The following NPY2R variants were observed in gnomAD, a reference collection of about 807,000 sequenced individuals.
NPY2R encodes the protein neuropeptide Y receptor type 2.
Under a neutral mutation model 22.3 loss-of-function variants are expected in NPY2R, and 17 were observed. That is an observed-to-expected ratio of 0.76 (90% CI 0.52 to 1.14). NPY2R has a LOEUF of 1.14. Among genes scored for constraint, NPY2R ranks in the 50% most tolerant of loss-of-function variants. NPY2R has a pLI of 0.00. For missense variants in NPY2R, 424 were observed against 467.9 expected, an observed-to-expected ratio of 0.91 and a Z score of 0.87; for synonymous variants, 209 against 183.4, an observed-to-expected ratio of 1.14 and a Z score of -1.13.
chr4:155,189,572 A>G, the NPY2R span, among the ~76,000 whole-genome samples: 1 of 152,024 alleles, frequency 6.6e-6, no homozygotes, highest in Non-Finnish European at 1.5e-5. Flanking sequence ...ACTCAAAGTT[A>G]TGAATCTTTT....
intron 1 of NPY2R, among the ~76,000 whole-genome samples, chr4:155,213,384 A>G (rs989084445): frequency 5.9e-5 from 9 of 152,226 alleles, no homozygotes; most frequent in African/African-American, 1.9e-4. Context: ...GAGATAATTC[A>G]TAGTCCCAAG....
At chr4:155,204,722 A>T (rs745936593), upstream of NPY2R, among the ~76,000 whole-genome samples, 4 of 152,086 alleles carry the variant, frequency 2.6e-5, no homozygotes, top group Non-Finnish European at 5.9e-5. Flanking sequence ...TTAAAAGTTG[A>T]GAAGGCAGGC....
the NPY2R span, among the ~76,000 whole-genome samples, chr4:155,200,877 G>C: frequency 6.6e-6 from 1 of 152,010 alleles, no homozygotes; most frequent in Non-Finnish European, 1.5e-5. Context: ...AGGGGAGGGA[G>C]AGCATTAAGA....
At position 155,214,764 on chromosome 4, in the gene NPY2R, G is replaced by A; in HGVS notation, c.825G>A (p.Val275=). The change falls in exon 2 of 2, where the codon GTG becomes GTA. Residue 275 remains valine, a synonymous_variant. Coordinates refer to ENST00000329476, the MANE Select transcript of NPY2R (RefSeq NM_000910.4). ...KTTKMLVCVV[V]VFAVSWLPLH... ...CCAAAATGCTGGTGTGTGTGGTGGT[G>A]GTGTTTGCGGTCAGCTGGCTGCCTC... 6.2e-7 allele frequency: 1 copy of A among 1,614,080 alleles called. No homozygotes were observed. Among genetic ancestry groups the A allele is most frequent in the Non-Finnish European group, 8.5e-7 (1 of 1,179,930 alleles).
At chr4:155,173,998 G>A in the NPY2R span, among the ~76,000 whole-genome samples, 61 of 151,898 alleles carry the variant, frequency 4.0e-4, 1 homozygote, top group Admixed American at 3.7e-3. Context: ...AACTGTTTAG[G>A]TCATTTTGGG....
At chr4:155,201,052 A>G in the NPY2R span, among the ~76,000 whole-genome samples, 11 of 151,700 alleles carry the variant, frequency 7.3e-5, no homozygotes, top group Non-Finnish European at 8.8e-5. Flanking sequence ...TAAAACTACA[A>G]ATGCAAACAA....
chr4:155,174,807 A>G, the NPY2R span, among the ~76,000 whole-genome samples: 1 of 152,012 alleles, frequency 6.6e-6, no homozygotes, highest in African/African-American at 2.4e-5. Context: ...ATTTTCTGAT[A>G]TTCAGGCATT....
chr4:155,209,099 C>T (rs941044340), intron 1 of NPY2R, 30 bp downstream of exon 1: 3 of 152,234 alleles, frequency 2.0e-5, no homozygotes, highest in Non-Finnish European at 1.5e-5. Context: ...CTGATCACCT[C>T]CTGGGAACAA....
chr4:155,179,827 C>T, the NPY2R span, among the ~76,000 whole-genome samples: 1 of 151,662 alleles, frequency 6.6e-6, no homozygotes, highest in Non-Finnish European at 1.5e-5. Flanking sequence ...ATCTGGTCTC[C>T]ATCTCCTCAA....
chr4:155,213,973 C>A lies in NPY2R; in HGVS notation c.34C>A (p.Gln12Lys). 1 of 1,614,048 alleles carries A rather than the reference C, an allele frequency of 6.2e-7. No homozygotes were observed. Among genetic ancestry groups the A allele is most frequent in the Non-Finnish European group, 8.5e-7 (1 of 1,180,010 alleles). ...GPIGAEADEN[Q>K]TVEEMKVEQY... ...AATAGGTGCAGAGGCTGATGAGAAC[C>A]AGACAGTGGAAGAAATGAAGGTGGA... The change falls in exon 2 of 2, where the codon CAG becomes AAG. Residue 12 changes from glutamine (Q) to lysine (K), a missense_variant. Physicochemically the swap from Gln to Lys is moderately conservative, Grantham distance 53. Coordinates refer to ENST00000329476, the MANE Select transcript of NPY2R (RefSeq NM_000910.4).
At chr4:155,183,495 G>A in the NPY2R span, among the ~76,000 whole-genome samples, 1 of 152,168 alleles carries the variant, frequency 6.6e-6, no homozygotes, top group East Asian at 1.9e-4. Context: ...ACTTCAACTG[G>A]AACAAATGGT....
chr4:155,214,460 G>T lies in NPY2R; in HGVS notation c.521G>T (p.Gly174Val), dbSNP rs1368361543. 1 of 1,614,054 alleles carries T rather than the reference G, an allele frequency of 6.2e-7. No homozygotes were observed. The highest frequency in any genetic ancestry group is 8.5e-7 in the Non-Finnish European group (1 of 1,180,016). Residue 174 changes from glycine to valine, a missense_variant, in exon 2 of 2, where the codon GGC becomes GTC. By Grantham distance (109) the Gly-to-Val change is moderately radical (BLOSUM62 -3). Coordinates refer to ENST00000329476, the MANE Select transcript of NPY2R (RefSeq NM_000910.4). ...ISFLIIGLAW[G>V]ISALLASPLA... The stretch of plus-strand genomic sequence containing the variant: ...TTCCTGATTATTGGCTTGGCCTGGG[G>T]CATCAGTGCCCTGCTGGCAAGTCCC...
chr4:155,198,558 T>TGTA, the NPY2R span, among the ~76,000 whole-genome samples: 1 of 79,510 alleles, frequency 1.3e-5, no homozygotes, highest in Admixed American at 1.3e-4. Flanking sequence ...AATATAAATA[T>TGTA]ATAATATATT....
upstream of NPY2R, among the ~76,000 whole-genome samples, chr4:155,206,363 T>C (rs1326839581): frequency 6.6e-6 from 1 of 152,260 alleles, no homozygotes; most frequent in South Asian, 2.1e-4. Context: ...ACTGGGTTTA[T>C]GGACATTCAT....
the NPY2R span, among the ~76,000 whole-genome samples, chr4:155,177,288 A>G: frequency 6.6e-6 from 1 of 152,214 alleles, no homozygotes; most frequent in East Asian, 1.9e-4. Flanking sequence ...GAAATCAAAC[A>G]AGTTATATGC....
chr4:155,203,123 T>A, the NPY2R span, among the ~76,000 whole-genome samples: 3 of 152,122 alleles, frequency 2.0e-5, no homozygotes, highest in Admixed American at 1.3e-4. Flanking sequence ...CTTATAATCC[T>A]GCTTAATTGC....
chr4:155,185,030 CTA>C, the NPY2R span, among the ~76,000 whole-genome samples: 3 of 97,018 alleles, frequency 3.1e-5, no homozygotes, highest in Non-Finnish European at 3.9e-5. Context: ...TTAGGTACAA[CTA>C]TATATATATA....
the NPY2R span, among the ~76,000 whole-genome samples, chr4:155,184,943 A>C: frequency 0.046 from 6,840 of 148,392 alleles, 503 homozygotes; most frequent in African/African-American, 0.16. Context: ...ATAGTCTGCT[A>C]AATTATATAT....
chr4:155,180,972 T>C, the NPY2R span, among the ~76,000 whole-genome samples: 2 of 152,098 alleles, frequency 1.3e-5, no homozygotes, highest in Admixed American at 6.5e-5. Flanking sequence ...GATGAGACTT[T>C]ATCAAAATGG....
Sources: allele counts gnomAD v4.1 joint callset (sites outside exome capture counted in the v4.1 genomes callset), GRCh38; gene constraint gnomAD v4.1.1; transcripts MANE v1.5; gene names NCBI Gene and HGNC (gene_info 2026-07-23, HGNC 2026-07-21).